COMMD4: variants seen among roughly 807,000 people sequenced by gnomAD.
COMMD4 encodes the protein COMM domain-containing protein 4.
Under a neutral mutation model 27.5 loss-of-function variants are expected in COMMD4, and 18 were observed. The observed-to-expected ratio is 0.65, with a 90% confidence interval of 0.45 to 0.97. The LOEUF (loss-of-function observed/expected upper bound fraction) is 0.97, where lower values mean the gene tolerates loss of function less well. COMMD4 is among the 50% of genes least tolerant of loss of function. COMMD4 has a pLI of 0.00. For synonymous variants in COMMD4, 108 were observed against 108.4 expected (o/e 1.00, Z 0.02); for missense variants, 243 against 250.0 (o/e 0.97, Z 0.19).
At chr15:75,338,734 G>A (rs561062451) in intron 4 of COMMD4, 49 bp downstream of exon 4, 7 of 1,590,142 alleles carry the variant, frequency 4.4e-6, no homozygotes, top group Middle Eastern at 1.7e-4. Flanking sequence ...TGGGAACTTG[G>A]CCTGGTGCCT....
At chr15:75,341,706 A>G (rs187583319), downstream of COMMD4, 219 of 152,262 alleles carry the variant, frequency 1.4e-3, 1 homozygote, top group African/African-American at 5.0e-3. Flanking sequence ...AGAACTATAC[A>G]AAAGTGCTAA....
intron 6 of COMMD4, 42 bp downstream of exon 6, chr15:75,339,386 G>A: frequency 1.3e-6 from 2 of 1,598,644 alleles, no homozygotes; most frequent in East Asian, 2.3e-5. Flanking sequence ...ATTCTAGAAG[G>A]TGCACGCAGC....
At chr15:75,338,833 C>G in intron 4 of COMMD4, 148 bp downstream of exon 4, 2 of 1,420,874 alleles carry the variant, frequency 1.4e-6, no homozygotes, top group Non-Finnish European at 9.8e-7. Flanking sequence ...GACCGACAGT[C>G]CCACCTTCCT....
intron 1 of COMMD4, chr15:75,336,305 G>T: frequency 7.0e-7 from 1 of 1,433,118 alleles, no homozygotes; most frequent in Non-Finnish European, 9.1e-7. Flanking sequence ...AGAGCAGGCC[G>T]GCCGGCTTAG....
intron 6 of COMMD4, 165 bp downstream of exon 6, chr15:75,339,509 T>G: frequency 8.3e-7 from 1 of 1,199,178 alleles, no homozygotes; most frequent in Non-Finnish European, 1.2e-6. Flanking sequence ...CAAGGTTTCT[T>G]GTCACTGAGG....
At chr15:75,336,736 G>C (rs2141284166) in intron 1 of COMMD4, 1 of 153,716 alleles carries the variant, frequency 6.5e-6, no homozygotes, top group Non-Finnish European at 1.5e-5. Context: ...TGCGCCTTGT[G>C]TGTAGTGCTA....
At chr15:75,340,509 C>T (rs941613946), downstream of COMMD4, among the ~76,000 whole-genome samples, 3 of 152,196 alleles carry the variant, frequency 2.0e-5, no homozygotes, top group Admixed American at 6.5e-5. Context: ...TGCCCCCTGG[C>T]CATGTCCTCA....
At position 75,336,149 on chromosome 15, in the gene COMMD4, C is replaced by A. The variant is rs772757356; in HGVS notation, c.3+57C>A. ...CTGCTGGAGCGGGAATGAGGGGGCG[C>A]CAAGTGGCTCCGGAAACTGGGGGAG... is the stretch of plus-strand genomic sequence containing the variant. On this transcript the variant is annotated intron_variant, in intron 1 of 7. Transcript: ENST00000267935. 5 of 1,549,526 alleles carry A rather than the reference C, an allele frequency of 3.2e-6. No homozygotes were observed. The South Asian group carries it at 3.6e-5, about 11-fold the overall frequency.
intron 1 of COMMD4, 61 bp from the exon 2 acceptor site, chr15:75,338,001 C>T (rs546219190): frequency 1.7e-5 from 26 of 1,510,194 alleles, no homozygotes; most frequent in South Asian, 1.6e-4. Context: ...GGGAGACACA[C>T]GGATCCTGGC....
intron 1 of COMMD4, 156 bp downstream of exon 1, chr15:75,336,248 A>ATCC: frequency 6.6e-7 from 1 of 1,515,092 alleles, no homozygotes; most frequent in Non-Finnish European, 8.9e-7. Context: ...AAAGTCCACC[A>ATCC]CTCTCCCGCT....
downstream of COMMD4, chr15:75,341,077 C>G (rs190975046): frequency 6.6e-6 from 1 of 152,458 alleles, no homozygotes; most frequent in Non-Finnish European, 1.5e-5. Context: ...CACACATGCA[C>G]ACCAGATGAG....
In COMMD4 at chr15:75,340,130, C is replaced by G; in HGVS notation, c.*125C>G. The G allele has an allele frequency of 9.2e-7, 1 of 1,090,080 alleles. No homozygotes were observed. Among genetic ancestry groups the G allele is most frequent in the East Asian group, 2.6e-5 (1 of 38,292 alleles). 67.5% of individuals were successfully genotyped at this position (1,090,080 alleles called of 1,614,324 possible). On this transcript the variant is annotated 3_prime_UTR_variant, in exon 8 of 8. Transcript: ENST00000267935. ...AGGCCCTGGCCCGGACTCTGGCCTC[C>G]CAGATCCCCAGCTGCCTCACTTCTC...
Position 75,340,088 on chromosome 15 carries a change from C to T in COMMD4, c.*83C>T, listed in dbSNP as rs866512905. ...CTGAACTGCTCTTCGGGAGGCAGCCCTGGTTCTAGGATGCTGAGGCCCTGG... is the reference window on the plus strand; with the variant it reads ...CTGAACTGCTCTTCGGGAGGCAGCCTTGGTTCTAGGATGCTGAGGCCCTGG... On this transcript the variant is annotated 3_prime_UTR_variant, in exon 8 of 8. Transcript: ENST00000267935. 2 of 1,518,834 alleles carry T rather than the reference C, an allele frequency of 1.3e-6. No homozygotes were observed. Among genetic ancestry groups the T allele is most frequent in the Non-Finnish European group, 1.8e-6 (2 of 1,115,572 alleles). The allele number at this position is 1,518,834 out of a possible 1,614,324, so 94.1% of individuals were successfully genotyped here. A position where few individuals can be genotyped will look rare whatever the true frequency, so the allele number is the denominator to read the frequency against.
intron 1 of COMMD4, chr15:75,337,633 G>A: frequency 5.1e-6 from 1 of 195,636 alleles, no homozygotes; most frequent in East Asian, 1.4e-4. Context: ...AGAGAGTGCA[G>A]CAGGCATGGA....
At chr15:75,339,583 G>T (rs2071371336) in intron 6 of COMMD4, 119 bp from the exon 7 acceptor site, 11 of 1,224,712 alleles carry the variant, frequency 9.0e-6, no homozygotes, top group Non-Finnish European at 1.1e-5. Context: ...GGGTCAGCAG[G>T]ATGGGAGCTT....
downstream of COMMD4, chr15:75,342,741 G>A (rs1040574767): frequency 2.0e-5 from 3 of 151,914 alleles, no homozygotes; most frequent in African/African-American, 7.3e-5. Context: ...GCTAAAAGAG[G>A]GTTTTAAATG....
At chr15:75,341,703 T>C (rs920556534), downstream of COMMD4, 7 of 151,956 alleles carry the variant, frequency 4.6e-5, no homozygotes, top group African/African-American at 1.5e-4. Flanking sequence ...TGTAGAACTA[T>C]ACAAAAGTGC....
chr15:75,338,747 T>A lies in COMMD4; in HGVS notation c.181+62T>A, dbSNP rs1378293785. 1.5e-5 allele frequency: 24 copies of A among 1,564,960 alleles called. No individual in the cohort carries two copies. The East Asian group carries it at 5.1e-4, about 33-fold the overall frequency. ...CCTGGGAACTTGGCCTGGTGCCTGG[T>A]ACAGAGGGGCCCCCCACCCCTCCCA... On this transcript the variant is annotated intron_variant, in intron 4 of 7. Transcript: ENST00000267935.
chr15:75,338,006 C>A, intron 1 of COMMD4, 56 bp from the exon 2 acceptor site: 1 of 1,536,088 alleles, frequency 6.5e-7, no homozygotes, highest in Non-Finnish European at 8.9e-7. Context: ...ACACACGGAT[C>A]CTGGCCACAC....
Sources: gnomAD v4.1 joint callset for allele counts (sites outside exome capture counted in the v4.1 genomes callset) on GRCh38, gnomAD v4.1.1 for gene constraint, MANE v1.5 for transcripts, NCBI Gene and HGNC (gene_info 2026-07-23, HGNC 2026-07-21) for gene names.